DRGX: variants seen among roughly 807,000 people sequenced by gnomAD.
The protein encoded by DRGX is dorsal root ganglia homeobox.
In DRGX, 21 loss-of-function variants were observed where a neutral mutation model predicts 28.6. The ratio of observed to expected loss-of-function variants is 0.73; its 90% confidence interval spans 0.52 to 1.06. The LOEUF (loss-of-function observed/expected upper bound fraction) is 1.06, where lower values mean the gene tolerates loss of function less well. Among genes scored for constraint, DRGX ranks in the 50% least tolerant of loss-of-function variants. The pLI is 0.00. For missense variants in DRGX, 354 were observed against 343.9 expected (o/e 1.03, Z -0.23); for synonymous variants, 136 against 139.1 (o/e 0.98, Z 0.16).
intron 6 of DRGX, among the ~76,000 whole-genome samples, chr10:49,385,401 C>G (rs906912541): frequency 1.3e-5 from 2 of 152,154 alleles, no homozygotes; most frequent in African/African-American, 4.8e-5. Flanking sequence ...CACCCTCACC[C>G]TATCTCTGGG....
chr10:49,391,721 G>A (rs766486352), intron 2 of DRGX: 3 of 461,174 alleles, frequency 6.5e-6, no homozygotes, highest in Non-Finnish European at 1.3e-5. Flanking sequence ...ATTAAAATCT[G>A]GGGGTTAGGA....
intron 3 of DRGX, among the ~76,000 whole-genome samples, chr10:49,390,569 T>C (rs1849891637): frequency 6.6e-6 from 1 of 152,182 alleles, no homozygotes; most frequent in Non-Finnish European, 1.5e-5. Flanking sequence ...GTAATTGTTA[T>C]CGCTTTCACC....
intron 6 of DRGX, among the ~76,000 whole-genome samples, chr10:49,380,191 C>T (rs912366883): frequency 1.3e-5 from 2 of 152,202 alleles, no homozygotes; most frequent in Non-Finnish European, 2.9e-5. Flanking sequence ...GCAGCATGAG[C>T]GTGCAGTGAG....
At position 49,374,226 on chromosome 10, in the gene DRGX, G is replaced by T. The variant is rs75543060; in HGVS notation, c.527-7845C>A. 2.4e-3 allele frequency among the ~76,000 whole-genome samples: 365 copies of T among 152,256 alleles called. 1 individual carries two copies. The highest frequency in any genetic ancestry group is 8.0e-3 in the African/African-American group (334 of 41,538). On this transcript the variant is annotated intron_variant, in intron 6 of 6. Coordinates refer to ENST00000374139, the MANE Select transcript of DRGX (RefSeq NM_001276451.2). ...TTCTCCAGCACAGAGTCCCACACAGGTTGCAAAGGGATAAAGACCGTGTCT... is the reference window on the plus strand; with the variant it reads ...TTCTCCAGCACAGAGTCCCACACAGTTTGCAAAGGGATAAAGACCGTGTCT...
chr10:49,386,419 C>T (rs1849836565), intron 6 of DRGX, 59 bp downstream of exon 6: 14 of 1,434,436 alleles, frequency 9.8e-6, no homozygotes, highest in Non-Finnish European at 1.3e-5. Context: ...AGGCCGGTCA[C>T]ACAAACTCCA....
chr10:49,390,361 G>A lies in DRGX; in HGVS notation c.133-127C>T. 6 of 785,626 alleles carry A rather than the reference G, an allele frequency of 7.6e-6. 1 individual carries two copies. In the South Asian group the frequency reaches 1.0e-4, roughly 13 times the overall value. The allele number at this position is 785,626 out of a possible 1,614,324, so 48.7% of individuals were successfully genotyped here. ...ACAGATTAAATCGAGGAAGGACAGG[G>A]AGAAGAGAGCTCTTTGGAAAGATCC... On this transcript the variant is annotated intron_variant, in intron 3 of 6. Coordinates refer to ENST00000374139, the MANE Select transcript of DRGX (RefSeq NM_001276451.2).
At chr10:49,381,582 A>T (rs1056729116) in intron 6 of DRGX, among the ~76,000 whole-genome samples, 35 of 151,980 alleles carry the variant, frequency 2.3e-4, no homozygotes, top group African/African-American at 7.5e-4. Context: ...CATGCCCAGA[A>T]CCAAAAGACC....
In DRGX at chr10:49,393,225, T is replaced by A. The variant is rs191105311; in HGVS notation, c.35-1964A>T. Among the ~76,000 whole-genome samples the A allele has an allele frequency of 3.3e-5, 5 of 152,320 alleles. No individual in the cohort carries two copies. The East Asian group carries it at 9.6e-4, about 29-fold the overall frequency. ...TTTAAAAGAAATCAGTAGATCTATA[T>A]GCATTGGCATGAACAAATCTCCAAG... On this transcript the variant is annotated intron_variant, in intron 2 of 6. Transcript: ENST00000374139.
rs542660120 is a variant in DRGX at position 49,378,494 on chromosome 10, G to A, written c.526+7984C>T. Reference sequence around the variant, plus strand: ...TTCTAAAATTTATTGTAGTGATGGTGAACACTCAAATGGTGAATACACTAA... The same window carrying A: ...TTCTAAAATTTATTGTAGTGATGGTAAACACTCAAATGGTGAATACACTAA... On this transcript the variant is annotated intron_variant, in intron 6 of 6. Transcript: ENST00000374139. 3.3e-5 allele frequency among the ~76,000 whole-genome samples: 5 copies of A among 152,288 alleles called. 1 individual carries two copies. In the South Asian group the frequency reaches 1.0e-3, roughly 32 times the overall value.
chr10:49,390,090 A>T, intron 4 of DRGX, 43 bp downstream of exon 4: 1 of 1,540,456 alleles, frequency 6.5e-7, no homozygotes, highest in South Asian at 1.2e-5. Context: ...AAAGTTTGCC[A>T]GTTTTAATAT....
intron 1 of DRGX, 74 bp from the exon 2 acceptor site, chr10:49,395,595 GC>G: frequency 2.3e-6 from 2 of 864,754 alleles, no homozygotes; most frequent in Non-Finnish European, 3.6e-6. Context: ...GGCGCACCCG[GC>G]GCTCCCCTCC....
At chr10:49,372,794 G>A (rs1451118860) in intron 6 of DRGX, among the ~76,000 whole-genome samples, 2 of 152,182 alleles carry the variant, frequency 1.3e-5, no homozygotes, top group African/African-American at 4.8e-5. Flanking sequence ...ATTGGCACAA[G>A]CCGTACACTT....
chr10:49,377,267 G>A (rs1443343384), intron 6 of DRGX, among the ~76,000 whole-genome samples: 1 of 152,250 alleles, frequency 6.6e-6, no homozygotes. Flanking sequence ...TAGGTGGAAG[G>A]ATCCAGAGGC....
chr10:49,386,431 C>G, intron 6 of DRGX, 47 bp downstream of exon 6: 1 of 1,463,702 alleles, frequency 6.8e-7, no homozygotes, highest in Non-Finnish European at 9.1e-7. Flanking sequence ...CAAACTCCAC[C>G]AACCCCATGA....
intron 6 of DRGX, among the ~76,000 whole-genome samples, chr10:49,368,357 G>A (rs929909551): frequency 6.6e-6 from 1 of 152,242 alleles, no homozygotes; most frequent in African/African-American, 2.4e-5. Context: ...ATACCAAGAT[G>A]AGTGTGAGGC....
At chr10:49,379,380 T>C (rs1030326949) in intron 6 of DRGX, among the ~76,000 whole-genome samples, 5 of 152,254 alleles carry the variant, frequency 3.3e-5, no homozygotes, top group Admixed American at 3.3e-4. Flanking sequence ...ATTTTTCTAA[T>C]GAATATTCTA....
intron 6 of DRGX, 96 bp downstream of exon 6, chr10:49,386,382 G>C: frequency 8.9e-7 from 1 of 1,117,824 alleles, no homozygotes; most frequent in Non-Finnish European, 1.2e-6. Context: ...CACAGGCCCA[G>C]GTGCAAGGAC....
chr10:49,394,406 A>G (rs1025931491), intron 2 of DRGX, among the ~76,000 whole-genome samples: 1 of 152,198 alleles, frequency 6.6e-6, no homozygotes, highest in Non-Finnish European at 1.5e-5. Flanking sequence ...CTTGTCTCCC[A>G]CAACTACTTG....
In DRGX at chr10:49,370,053, C is replaced by T. The variant is rs189696254; in HGVS notation, c.527-3672G>A. On this transcript the variant is annotated intron_variant, in intron 6 of 6. Coordinates refer to ENST00000374139, the MANE Select transcript of DRGX (RefSeq NM_001276451.2). ...AGCTCTTGACTATTGGTGAGAGGGG[C>T]AGGTGGGGGTGGAATTCCTCAGCAG... 4.6e-5 allele frequency among the ~76,000 whole-genome samples: 7 copies of T among 152,200 alleles called. No individual in the cohort carries two copies. In the East Asian group the frequency reaches 1.2e-3, roughly 25 times the overall value.
Sources: gnomAD v4.1 joint callset for allele counts (sites outside exome capture counted in the v4.1 genomes callset) on GRCh38, gnomAD v4.1.1 for gene constraint, MANE v1.5 for transcripts, NCBI Gene and HGNC (gene_info 2026-07-23, HGNC 2026-07-21) for gene names.